The following LATS2 variants were observed in gnomAD, a reference collection of about 807,000 sequenced individuals.
LATS2 encodes large tumor suppressor kinase 2.
A neutral mutation model predicts 76.0 loss-of-function variants in LATS2; 24 were observed. The observed-to-expected ratio is 0.32, with a 90% CI of 0.23 to 0.44. LATS2 has a LOEUF of 0.44. Ranked by LOEUF, LATS2 falls within the 20% of genes least tolerant of loss-of-function variation. LATS2 has a pLI of 1.00. For synonymous variants in LATS2, 692 were observed against 635.4 expected (o/e 1.09, Z -1.34); for missense variants, 1,286 against 1,481.2 (o/e 0.87, Z 2.16).
chr13:21,048,299 G>C (rs1348956714), intron 1 of LATS2, among the ~76,000 whole-genome samples: 2 of 152,192 alleles, frequency 1.3e-5, no homozygotes, highest in East Asian at 3.8e-4. Context: ...AGGCAGTAGA[G>C]TTCTTTCTTT....
At chr13:21,007,760 A>ATTTTTTTTTTT (rs1202476922) in intron 2 of LATS2, among the ~76,000 whole-genome samples, 1 of 4,558 alleles carries the variant, frequency 2.2e-4, no homozygotes, top group African/African-American at 1.1e-3. Flanking sequence ...ATATATATAT[A>ATTTTTTTTTTT]TTTTTTTTTT....
At chr13:21,056,206 A>G (rs1873443804) in intron 1 of LATS2, among the ~76,000 whole-genome samples, 1 of 151,896 alleles carries the variant, frequency 6.6e-6, no homozygotes, top group Non-Finnish European at 1.5e-5. Flanking sequence ...GCAAGATCTG[A>G]GGGGGAGTTT....
chr13:20,974,023 C>A lies in LATS2; in HGVS notation c.*847G>T, dbSNP rs2138254306. On this transcript the variant is annotated 3_prime_UTR_variant, in exon 8 of 8. Coordinates refer to ENST00000382592, the MANE Select transcript of LATS2 (RefSeq NM_014572.3). ...ACCAAGACACACACACAAATCACTTCTCAGTTACACATCTGCATTTCTTTA... is the reference window on the plus strand; with the variant it reads ...ACCAAGACACACACACAAATCACTTATCAGTTACACATCTGCATTTCTTTA... 1 of 203,552 alleles carries A rather than the reference C, an allele frequency of 4.9e-6. No homozygotes were observed. Among genetic ancestry groups the A allele is most frequent in the Middle Eastern group, 1.6e-3 (1 of 634 alleles). The allele number at this position is 203,552 out of a possible 1,614,324, so 12.6% of individuals were successfully genotyped here.
At chr13:20,986,911 G>A (rs1000246967) in intron 4 of LATS2, among the ~76,000 whole-genome samples, 9 of 151,996 alleles carry the variant, frequency 5.9e-5, no homozygotes, top group Admixed American at 4.6e-4. Context: ...AAAAATAAAC[G>A]GCTGGGTGTG....
At chr13:20,987,814 G>A (rs1274306723) in intron 4 of LATS2, 67 bp downstream of exon 4, 2 of 1,538,420 alleles carry the variant, frequency 1.3e-6, no homozygotes, top group Non-Finnish European at 1.8e-6. Context: ...AAGGGATTGT[G>A]CGTGCTTCCT....
intron 2 of LATS2, among the ~76,000 whole-genome samples, chr13:21,019,493 A>ATTTTTT (rs67762203): frequency 0.18 from 23,626 of 132,110 alleles, 2,433 homozygotes; most frequent in Middle Eastern, 0.24. Context: ...CGCCCAGCTA[A>ATTTTTT]TTTTTTTTTT....
Position 21,007,699 on chromosome 13 carries a change from A to ATAGTGT in LATS2, c.343-16296_343-16295insACACTA, listed in dbSNP as rs1173839566. 3.4e-3 allele frequency among the ~76,000 whole-genome samples: 2 copies of ATAGTGT among 586 alleles called. 1 individual carries two copies. Among genetic ancestry groups the ATAGTGT allele is most frequent in the Non-Finnish European group, 9.0e-3 (2 of 222 alleles). The allele number at this position is 586 out of a possible 152,430, so 0.4% of individuals were successfully genotyped here. Reference sequence around the variant, plus strand: ...ATATATATAGTATATATATATATATAGTATGTATATATATATATATATAGT... The same window carrying ATAGTGT: ...ATATATATAGTATATATATATATATATAGTGTGTATGTATATATATATATATATAGT... On this transcript the variant is annotated intron_variant, in intron 2 of 7. Transcript: ENST00000382592.
chr13:20,988,255 G>C lies in LATS2; in HGVS notation c.1525C>G (p.Pro509Ala). Residue 509 changes from proline (P) to alanine (A), a missense_variant, in exon 4 of 8, where the codon CCA (proline) becomes GCA (alanine). By Grantham distance (27) the Pro-to-Ala change is conservative. Around this residue, in one of 5 missense-constraint regions of LATS2, gnomAD observed 710 missense variants for 660.9 expected, o/e 1.07. Coordinates refer to ENST00000382592, the MANE Select transcript of LATS2 (RefSeq NM_014572.3). ...GGCGGAGGCGGGCACCTCCGGTCTG[G>C]GCCTCCGTACTCCACGTCCAGCGGG... The part of the protein sequence containing the change: ...AFPLDVEYGG[P>A]DRRCPPPPYP... 6.2e-7 allele frequency: 1 copy of C among 1,600,602 alleles called. No individual in the cohort carries two copies. Among genetic ancestry groups the C allele is most frequent in the South Asian group, 1.1e-5 (1 of 90,820 alleles).
intron 2 of LATS2, among the ~76,000 whole-genome samples, chr13:21,011,499 G>A (rs1871591311): frequency 6.6e-6 from 1 of 152,172 alleles, no homozygotes; most frequent in South Asian, 2.1e-4. Context: ...AGTTCCTCAG[G>A]TCCAGCAACA....
intron 1 of LATS2, among the ~76,000 whole-genome samples, chr13:21,048,403 T>C (rs571856966): frequency 2.6e-5 from 4 of 152,180 alleles, no homozygotes; most frequent in Non-Finnish European, 5.9e-5. Context: ...AGCCATACTA[T>C]CTTCACAAGA....
intron 2 of LATS2, among the ~76,000 whole-genome samples, chr13:20,998,144 T>G (rs1298455484): frequency 6.6e-6 from 1 of 151,990 alleles, no homozygotes; most frequent in African/African-American, 2.4e-5. Context: ...TAGGATCGCT[T>G]GAGGCCAGGA....
rs761824101 is a variant in LATS2, at chr13:20,988,049, G to T, written c.1731C>A (p.Pro577=). The T allele has an allele frequency of 3.1e-6, 5 of 1,614,232 alleles. No individual in the cohort carries two copies. The highest frequency in any genetic ancestry group is 2.2e-5 in the East Asian group (1 of 44,882). Reference sequence around the variant, plus strand: ...CTCTGCTGTTTTTGCGGACGGGAACGGGAGAGGTCTGAATCTGCTTTTTAT... The same window carrying T: ...CTCTGCTGTTTTTGCGGACGGGAACTGGAGAGGTCTGAATCTGCTTTTTAT... ...GKDKKQIQTS[P]VPVRKNSRDE... is the part of the protein sequence containing the mutation. Residue 577 remains proline, a synonymous_variant, in exon 4 of 8, where the codon CCC becomes CCA. Transcript: ENST00000382592.
chr13:21,029,099 C>T (rs1255691527), intron 2 of LATS2, among the ~76,000 whole-genome samples: 1 of 152,174 alleles, frequency 6.6e-6, no homozygotes, highest in East Asian at 1.9e-4. Flanking sequence ...CCTTACTGCA[C>T]TAGCTAGGAC....
chr13:20,983,939 G>T, intron 4 of LATS2, 133 bp from the exon 5 acceptor site: 1 of 686,740 alleles, frequency 1.5e-6, no homozygotes, highest in South Asian at 1.9e-5. Context: ...GAGAAGAATG[G>T]GTCTCATATA....
At chr13:21,016,495 G>T (rs1300518402) in intron 2 of LATS2, among the ~76,000 whole-genome samples, 7 of 151,916 alleles carry the variant, frequency 4.6e-5, no homozygotes, top group East Asian at 1.9e-4. Context: ...GGCCAAGCTG[G>T]TCTCAAACTG....
Position 21,046,129 on chromosome 13 carries a change from T to C in LATS2, c.-103A>G, listed in dbSNP as rs1873069012. 3.7e-6 allele frequency: 3 copies of C among 815,240 alleles called. No homozygotes were observed. Among genetic ancestry groups the C allele is most frequent in the Non-Finnish European group, 3.8e-6 (2 of 531,680 alleles). 50.5% of individuals were successfully genotyped at this position (815,240 alleles called of 1,614,324 possible). On this transcript the variant is annotated 5_prime_UTR_variant, in exon 2 of 8. It removes the in-frame stop codon of an upstream open reading frame in the 5' UTR. Transcript: ENST00000382592. ...GTATCAGTTTGTTGTAAACATACTTTCAAAATAATTTCCTTTTGAAAATGT... is the reference window on the plus strand; with the variant it reads ...GTATCAGTTTGTTGTAAACATACTTCCAAAATAATTTCCTTTTGAAAATGT...
At chr13:21,030,551 T>A (rs1595246337) in intron 2 of LATS2, among the ~76,000 whole-genome samples, 1 of 129,734 alleles carries the variant, frequency 7.7e-6, no homozygotes, top group Admixed American at 9.5e-5. Context: ...ATCACACCAC[T>A]GCACTCCAGC....
chr13:21,039,224 C>G (rs1872785078), intron 2 of LATS2, among the ~76,000 whole-genome samples: 1 of 152,162 alleles, frequency 6.6e-6, no homozygotes, highest in African/African-American at 2.4e-5. Context: ...GACCGACATT[C>G]CTAAACTTAA....
intron 7 of LATS2, among the ~76,000 whole-genome samples, chr13:20,977,912 G>A (rs1021966567): frequency 1.3e-5 from 2 of 151,796 alleles, no homozygotes; most frequent in South Asian, 2.1e-4. Context: ...AGGGTTTTTC[G>A]ATTTCTCTTT....
Sources: gnomAD v4.1 joint callset for allele counts (sites outside exome capture counted in the v4.1 genomes callset) on GRCh38, gnomAD v4.1.1 for gene constraint, gnomAD v4.1.1 regional missense constraint, MANE v1.5 for transcripts, NCBI Gene and HGNC (gene_info 2026-07-23, HGNC 2026-07-21) for gene names.